The following EYS variants were observed in gnomAD, a reference collection of about 807,000 sequenced individuals.
EYS encodes the protein EGF-like photoreceptor maintenance factor.
Under a neutral mutation model 282.1 loss-of-function variants are expected in EYS, and 250 were observed. The ratio of observed to expected loss-of-function variants is 0.89; its 90% confidence interval spans 0.80 to 0.98. The LOEUF (loss-of-function observed/expected upper bound fraction) is 0.98. Ranked by LOEUF, EYS falls within the 50% of genes least tolerant of loss-of-function variation. EYS has a pLI of 0.00. For missense variants in EYS, 4,016 were observed against 3,709.0 expected (o/e 1.08, Z -2.15); for synonymous variants, 1,355 against 1,282.9 (o/e 1.06, Z -1.20).
At chr6:64,935,655 A>T (rs1259515639) in intron 15 of EYS, among the ~76,000 whole-genome samples, 1 of 151,724 alleles carries the variant, frequency 6.6e-6, no homozygotes, top group Non-Finnish European at 1.5e-5. Flanking sequence ...AAAAACAAAA[A>T]AGGATTCAAA....
Position 64,902,113 on chromosome 6 carries a change from C to A in EYS, c.2846G>T (p.Arg949Ile). ...AATTTAATAAAAAGTAGCTTCTCAC[C>A]TGTTTGTCAGATCCACACATGTTCC... Reference protein sequence around the residue: ...NNGTCVDLTNRFFCNCEPEYH... With the variant: ...NNGTCVDLTNIFFCNCEPEYH... The change falls in exon 18 of 43, where the codon AGA (arginine) becomes ATA (isoleucine). Residue 949 changes from arginine (R) to isoleucine (I), a missense_variant and splice_region_variant. Transcript: ENST00000503581. The A allele has an allele frequency of 2.6e-6, 4 of 1,534,740 alleles. No individual in the cohort carries two copies. Among genetic ancestry groups the A allele is most frequent in the Non-Finnish European group, 3.5e-6 (4 of 1,137,772 alleles).
At chr6:65,272,337 C>T (rs1767928649) in intron 12 of EYS, among the ~76,000 whole-genome samples, 1 of 152,082 alleles carries the variant, frequency 6.6e-6, no homozygotes, top group African/African-American at 2.4e-5. Context: ...CTTTGACCCC[C>T]TTGACCTTGA....
intron 11 of EYS, among the ~76,000 whole-genome samples, chr6:65,306,213 T>C (rs1308058752): frequency 6.6e-6 from 1 of 152,246 alleles, no homozygotes; most frequent in African/African-American, 2.4e-5. Flanking sequence ...ACCTGTCATG[T>C]TGGCTCCTAA....
chr6:64,521,905 T>C (rs751095156), intron 26 of EYS, among the ~76,000 whole-genome samples: 5 of 151,796 alleles, frequency 3.3e-5, no homozygotes, highest in Non-Finnish European at 7.4e-5. Context: ...AGTGATAAGA[T>C]GCAACTACCC....
chr6:65,232,882 T>C (rs1463898562), intron 12 of EYS, among the ~76,000 whole-genome samples: 1 of 152,156 alleles, frequency 6.6e-6, no homozygotes, highest in Non-Finnish European at 1.5e-5. Context: ...AGACTTTTCA[T>C]ATAAATGGAA....
intron 5 of EYS, among the ~76,000 whole-genome samples, chr6:65,409,683 A>G (rs1383590071): frequency 6.6e-6 from 1 of 152,168 alleles, no homozygotes; most frequent in Non-Finnish European, 1.5e-5. Context: ...AGTTTTTAGT[A>G]AACAACATAT....
intron 22 of EYS, among the ~76,000 whole-genome samples, chr6:64,657,544 G>C (rs1461837812): frequency 6.6e-6 from 1 of 152,152 alleles, no homozygotes; most frequent in Non-Finnish European, 1.5e-5. Context: ...TTTTAGGGCA[G>C]GCCTGGTGGT....
intron 35 of EYS, among the ~76,000 whole-genome samples, chr6:63,904,110 C>T (rs1773718860): frequency 6.6e-6 from 1 of 152,118 alleles, no homozygotes; most frequent in African/African-American, 2.4e-5. Flanking sequence ...CATTTGTAAT[C>T]ATGGCAGCCA....
At chr6:65,055,008 G>A (rs1047677452) in intron 13 of EYS, among the ~76,000 whole-genome samples, 1 of 151,910 alleles carries the variant, frequency 6.6e-6, no homozygotes, top group Non-Finnish European at 1.5e-5. Flanking sequence ...TATAAATGGG[G>A]TCTCACTTTG....
rs148637254 is a variant in EYS, at chr6:64,899,662, A to C, written c.2846+2451T>G. On this transcript the variant is annotated intron_variant, in intron 18 of 42. Coordinates refer to ENST00000503581, the MANE Select transcript of EYS (RefSeq NM_001142800.2). ...AAAAGAGAATAAAATACCTAGGAAT[A>C]CAACTTACAAGTGATTGATGAACCT... 1.3e-3 allele frequency among the ~76,000 whole-genome samples: 197 copies of C among 151,954 alleles called. 2 individuals are homozygous for C. Among genetic ancestry groups the C allele is most frequent in the African/African-American group, 4.6e-3 (190 of 41,306 alleles).
At chr6:65,493,480 C>A (rs1766122920) in intron 4 of EYS, among the ~76,000 whole-genome samples, 1 of 152,168 alleles carries the variant, frequency 6.6e-6, no homozygotes, top group Non-Finnish European at 1.5e-5. Context: ...TCTTATTTCA[C>A]TTGTAACTCT....
At chr6:65,496,459 C>T (rs1435088086) in intron 2 of EYS, among the ~76,000 whole-genome samples, 2 of 151,818 alleles carry the variant, frequency 1.3e-5, no homozygotes, top group Admixed American at 6.6e-5. Context: ...AAATAAACTG[C>T]AATCCTCACA....
In EYS at chr6:64,610,428, G is replaced by A. The variant is rs1396467142; in HGVS notation, c.3684+6990C>T. Among the ~76,000 whole-genome samples, 4 of 58,898 alleles carry A rather than the reference G, an allele frequency of 6.8e-5. No individual in the cohort carries two copies. The East Asian group carries it at 2.4e-3, about 36-fold the overall frequency. 38.6% of individuals were successfully genotyped at this position (58,898 alleles called of 152,430 possible). On this transcript the variant is annotated intron_variant, in intron 24 of 42. Coordinates refer to ENST00000503581, the MANE Select transcript of EYS (RefSeq NM_001142800.2). The stretch of plus-strand genomic sequence containing the variant: ...AATTTTTTTTTTTTTTTTTTTTTTT[G>A]AGTCTCACTCTGTCGCCCAGGCTGG...
chr6:64,237,128 T>C (rs1413293016), intron 30 of EYS, among the ~76,000 whole-genome samples: 1 of 152,204 alleles, frequency 6.6e-6, no homozygotes, highest in East Asian at 1.9e-4. Context: ...TTTTTTGCTG[T>C]TTAACAGCCA....
intron 33 of EYS, among the ~76,000 whole-genome samples, chr6:64,056,795 T>A (rs1771000896): frequency 6.6e-6 from 1 of 152,216 alleles, no homozygotes; most frequent in South Asian, 2.1e-4. Context: ...CCAGCCCCTA[T>A]GTAGATCAGC....
At chr6:64,902,241 T>C (rs1336457934) in intron 17 of EYS, 21 bp from the exon 18 acceptor site, 3 of 1,483,244 alleles carry the variant, frequency 2.0e-6, no homozygotes, top group Admixed American at 2.0e-5. Flanking sequence ...AAAAATTTAG[T>C]AACTCCATTA....
intron 22 of EYS, among the ~76,000 whole-genome samples, chr6:64,695,842 C>T (rs901065310): frequency 6.6e-5 from 10 of 152,022 alleles, no homozygotes; most frequent in Admixed American, 3.3e-4. Context: ...ATCATAGACA[C>T]AGCCTCACAT....
intron 2 of EYS, among the ~76,000 whole-genome samples, chr6:65,506,480 T>C (rs1766662966): frequency 1.1e-5 from 1 of 94,460 alleles, no homozygotes; most frequent in African/African-American, 4.2e-5. Context: ...TTTTTTTTTT[T>C]TTTTTTTTTT....
intron 29 of EYS, among the ~76,000 whole-genome samples, chr6:64,323,788 G>A (rs1770304932): frequency 6.6e-6 from 1 of 152,074 alleles, no homozygotes; most frequent in East Asian, 1.9e-4. Context: ...GTAGAAATAT[G>A]TCCATAATGG....
Sources: allele counts gnomAD v4.1 joint callset (sites outside exome capture counted in the v4.1 genomes callset), GRCh38; gene constraint gnomAD v4.1.1; transcripts MANE v1.5; gene names NCBI Gene and HGNC (gene_info 2026-07-23, HGNC 2026-07-21).